The following CLIC4 variants were observed in gnomAD, a reference collection of about 807,000 sequenced individuals.
The protein encoded by CLIC4 is chloride intracellular channel protein 4.
A neutral mutation model predicts 24.6 loss-of-function variants in CLIC4; 13 were observed. The ratio of observed to expected loss-of-function variants is 0.53; its 90% CI spans 0.34 to 0.84. The LOEUF (loss-of-function observed/expected upper bound fraction) is 0.84, where lower values mean the gene tolerates loss of function less well. CLIC4 is among the 40% of genes least tolerant of loss of function. The probability of loss-of-function intolerance (pLI) is 0.01; values close to 1 mark genes in which losing one functional copy is unlikely to be tolerated. For missense variants in CLIC4, 227 were observed against 301.7 expected (o/e 0.75, Z 1.83); for synonymous variants, 104 against 111.3 (o/e 0.93, Z 0.41).
intron 1 of CLIC4, among the ~76,000 whole-genome samples, chr1:24,780,967 A>T (rs893054867): frequency 1.3e-5 from 2 of 151,654 alleles, no homozygotes; most frequent in African/African-American, 4.8e-5. Context: ...CATGCCTGTA[A>T]TCCCAGCTAC....
chr1:24,830,706 A>G (rs920647009), intron 4 of CLIC4, among the ~76,000 whole-genome samples: 2 of 152,178 alleles, frequency 1.3e-5, no homozygotes, highest in African/African-American at 2.4e-5. Flanking sequence ...TTTGACTTTC[A>G]TAATTACTTT....
chr1:24,795,538 G>GA lies in CLIC4; in HGVS notation c.73-2194dup, dbSNP rs145680381. Among the ~76,000 whole-genome samples the GA allele has an allele frequency of 1.1e-3, 157 of 143,970 alleles. No individual in the cohort carries two copies. The South Asian group carries it at 0.024, about 22-fold the overall frequency. The allele number at this position is 143,970 out of a possible 152,430, so 94.4% of individuals were successfully genotyped here. On this transcript the variant is annotated intron_variant, in intron 1 of 5. Coordinates refer to ENST00000374379, the MANE Select transcript of CLIC4 (RefSeq NM_013943.3). ...ACATAGTAAGATCCTATCTCTAATT[G>GA]AAAAAAAAAATAAAAAAAAAACAGG...
rs983130025 is a variant in CLIC4 at position 24,750,490 on chromosome 1, C to T, written c.72+4865C>T. Among the ~76,000 whole-genome samples, 8 of 149,830 alleles carry T rather than the reference C, an allele frequency of 5.3e-5. No individual in the cohort carries two copies. In the East Asian group the frequency reaches 5.9e-4, roughly 11 times the overall value. ...TCGCTCTTGTTACCCCTCAGCCTCCCGAGTGGCTGGGACTACAGGTGTGCA... is the reference window on the plus strand; with the variant it reads ...TCGCTCTTGTTACCCCTCAGCCTCCTGAGTGGCTGGGACTACAGGTGTGCA... On this transcript the variant is annotated intron_variant, in intron 1 of 5. Coordinates refer to ENST00000374379, the MANE Select transcript of CLIC4 (RefSeq NM_013943.3).
chr1:24,828,275 G>GA (rs1639806580), intron 4 of CLIC4, among the ~76,000 whole-genome samples: 1 of 152,152 alleles, frequency 6.6e-6, no homozygotes, highest in African/African-American at 2.4e-5. Flanking sequence ...GGAAAAAAGG[G>GA]AAAAATGTTA....
chr1:24,830,475 T>A (rs990578163), intron 4 of CLIC4, among the ~76,000 whole-genome samples: 2 of 152,026 alleles, frequency 1.3e-5, no homozygotes, highest in African/African-American at 4.8e-5. Flanking sequence ...TTCTTCACTA[T>A]AATAAACAAT....
chr1:24,836,753 G>T (rs773558552), intron 4 of CLIC4, among the ~76,000 whole-genome samples: 1 of 152,148 alleles, frequency 6.6e-6, no homozygotes, highest in Non-Finnish European at 1.5e-5. Flanking sequence ...TGGGAGGATC[G>T]CATGAGCCCA....
chr1:24,754,265 A>AT (rs1180216184), intron 1 of CLIC4, among the ~76,000 whole-genome samples: 1 of 152,222 alleles, frequency 6.6e-6, no homozygotes, highest in African/African-American at 2.4e-5. Flanking sequence ...TTAACAGAGT[A>AT]TGAATAATGA....
At chr1:24,796,061 C>T (rs1254929451) in intron 1 of CLIC4, among the ~76,000 whole-genome samples, 2 of 152,072 alleles carry the variant, frequency 1.3e-5, no homozygotes, top group African/African-American at 4.8e-5. Context: ...CTGTTCTGTC[C>T]AACATAGTAG....
At chr1:24,827,575 TTTG>T (rs1034186882) in intron 4 of CLIC4, among the ~76,000 whole-genome samples, 15 of 151,800 alleles carry the variant, frequency 9.9e-5, no homozygotes, top group Non-Finnish European at 1.5e-4. Flanking sequence ...TTGTTTTGTT[TTTG>T]TTGTTGTTGT....
intron 1 of CLIC4, chr1:24,793,219 G>A (rs543638658): frequency 6.7e-6 from 1 of 149,702 alleles, no homozygotes; most frequent in Admixed American, 6.7e-5. Context: ...GAAAGGTAGT[G>A]TATTAACATT....
chr1:24,813,224 A>G (rs1260591795), intron 2 of CLIC4, among the ~76,000 whole-genome samples: 1 of 151,362 alleles, frequency 6.6e-6, no homozygotes, highest in Non-Finnish European at 1.5e-5. Context: ...TTGTATTTTT[A>G]GTAGAGATGG....
At chr1:24,781,929 C>T (rs1265086121) in intron 1 of CLIC4, among the ~76,000 whole-genome samples, 1 of 152,004 alleles carries the variant, frequency 6.6e-6, no homozygotes, top group African/African-American at 2.4e-5. Flanking sequence ...GGATTACAGG[C>T]GTGAGCCACT....
intron 3 of CLIC4, among the ~76,000 whole-genome samples, chr1:24,819,401 G>C (rs1639703248): frequency 6.6e-6 from 1 of 151,754 alleles, no homozygotes; most frequent in African/African-American, 2.4e-5. Flanking sequence ...TCTCAGTAGG[G>C]TACTATTGTG....
intron 2 of CLIC4, among the ~76,000 whole-genome samples, chr1:24,811,084 A>G (rs1213093067): frequency 1.3e-5 from 2 of 148,872 alleles, no homozygotes; most frequent in Non-Finnish European, 3.0e-5. Flanking sequence ...GTCTCAGGAA[A>G]AAAAAAAAAA....
At chr1:24,750,304 A>G (rs545608314) in intron 1 of CLIC4, among the ~76,000 whole-genome samples, 1 of 149,472 alleles carries the variant, frequency 6.7e-6, no homozygotes, top group Non-Finnish European at 1.5e-5. Flanking sequence ...GATGCTCTCT[A>G]CCCCACTCAG....
intron 2 of CLIC4, among the ~76,000 whole-genome samples, chr1:24,810,304 A>G (rs1027335366): frequency 6.6e-6 from 1 of 152,178 alleles, no homozygotes; most frequent in Non-Finnish European, 1.5e-5. Flanking sequence ...ATATCTCTTA[A>G]GTTTTTCTTA....
chr1:24,814,316 T>C, intron 3 of CLIC4, 97 bp downstream of exon 3: 1 of 1,312,514 alleles, frequency 7.6e-7, no homozygotes, highest in Admixed American at 2.1e-5. Context: ...TAATTTGGAA[T>C]GACTAGGACT....
intron 2 of CLIC4, among the ~76,000 whole-genome samples, chr1:24,810,995 C>T (rs944577398): frequency 6.6e-6 from 1 of 151,206 alleles, no homozygotes; most frequent in Non-Finnish European, 1.5e-5. Context: ...AGGAGAATGG[C>T]GTGAACTTGG....
At chr1:24,769,634 A>T (rs1398400782) in intron 1 of CLIC4, among the ~76,000 whole-genome samples, 1 of 152,180 alleles carries the variant, frequency 6.6e-6, no homozygotes, top group Non-Finnish European at 1.5e-5. Flanking sequence ...CCCTGAAAAA[A>T]AAATTCTGAG....
Sources: allele counts gnomAD v4.1 joint callset (sites outside exome capture counted in the v4.1 genomes callset), GRCh38; gene constraint gnomAD v4.1.1; transcripts MANE v1.5; gene names NCBI Gene and HGNC (gene_info 2026-07-23, HGNC 2026-07-21).